The following IL18BP variants were observed in gnomAD, a reference collection of about 807,000 sequenced individuals.
IL18BP encodes interleukin 18 binding protein.
A neutral mutation model predicts 19.9 loss-of-function variants in IL18BP; 23 were observed. The ratio of observed to expected loss-of-function variants is 1.15; its 90% CI spans 0.83 to 1.64. The LOEUF (loss-of-function observed/expected upper bound fraction) is 1.64. Ranked by LOEUF, IL18BP falls within the 40% of genes most tolerant of loss-of-function variation. The pLI is 0.00. For synonymous variants in IL18BP, 107 were observed against 101.0 expected (o/e 1.06, Z -0.35); for missense variants, 239 against 240.7 (o/e 0.99, Z 0.05).
chr11:72,003,824 G>A, downstream of IL18BP: 1 of 1,541,768 alleles, frequency 6.5e-7, no homozygotes, highest in Non-Finnish European at 8.9e-7. Flanking sequence ...ACTTGGTGGG[G>A]CGGTCTGGGG....
chr11:72,003,476 G>A, downstream of IL18BP: 2 of 1,585,500 alleles, frequency 1.3e-6, no homozygotes, highest in Non-Finnish European at 1.7e-6. Context: ...GGAGGACCAG[G>A]TGAGGTCAGC....
downstream of IL18BP, chr11:72,008,109 G>A (rs776655358): frequency 6.3e-6 from 3 of 479,072 alleles, no homozygotes; most frequent in South Asian, 4.6e-5. Flanking sequence ...GGTTGTTGGG[G>A]GACAAATCAG....
At chr11:72,005,434 C>A, downstream of IL18BP, 1 of 1,537,172 alleles carries the variant, frequency 6.5e-7, no homozygotes. Flanking sequence ...CTGGCCCTGG[C>A]ATCTTGCCAG....
downstream of IL18BP, chr11:72,007,781 C>A (rs550729323): frequency 5.3e-6 from 2 of 379,342 alleles, no homozygotes; most frequent in Non-Finnish European, 9.9e-6. Flanking sequence ...GAACGCCCCC[C>A]ACTCAGGCCC....
downstream of IL18BP, chr11:72,006,096 G>A: frequency 6.2e-7 from 1 of 1,614,120 alleles, no homozygotes; most frequent in Non-Finnish European, 8.5e-7. Context: ...GAGTGGTGGG[G>A]CGGTAGCCAG....
chr11:72,001,398 G>C lies in IL18BP; in HGVS notation c.360-7G>C. On this transcript the variant is annotated splice_region_variant and splice_polypyrimidine_tract_variant and intron_variant, in intron 4 of 5. Coordinates refer to ENST00000393703, the MANE Select transcript of IL18BP (RefSeq NM_001039660.2). ...TTCTCATGACCTTTCCTTCCCTTCC[G>C]CTCCAGCCGGGAACGTGGGAGCACA... 6.2e-7 allele frequency: 1 copy of C among 1,614,094 alleles called. No individual in the cohort carries two copies. The highest frequency in any genetic ancestry group is 1.1e-5 in the South Asian group (1 of 91,082).
chr11:72,001,487 T>TTC lies in IL18BP; in HGVS notation c.445_446dup (p.Cys150ProfsTer24). ...GACCCCTGCCCTGCACAGCACCAAC[T>TTC]TCTCCTGTGTGCTCGTGGACCCTGA... is the stretch of plus-strand genomic sequence containing the variant. On this transcript the variant is annotated frameshift_variant, in exon 5 of 6. Coordinates refer to ENST00000393703, the MANE Select transcript of IL18BP (RefSeq NM_001039660.2). LOFTEE classifies it high-confidence loss of function. 6.2e-7 allele frequency: 1 copy of TTC among 1,614,120 alleles called. No individual in the cohort carries two copies.
chr11:72,006,546 A>G (rs552732710), downstream of IL18BP, among the ~76,000 whole-genome samples: 63 of 152,154 alleles, frequency 4.1e-4, no homozygotes, highest in Non-Finnish European at 8.1e-4. Context: ...CATTTTGGAG[A>G]TGAAGTGCAA....
rs754577956 is a variant in IL18BP, at chr11:72,001,833, G to C, written c.557G>C (p.Ser186Thr). 3.7e-6 allele frequency: 6 copies of C among 1,614,162 alleles called. No homozygotes were observed. The highest frequency in any genetic ancestry group is 5.1e-6 in the Non-Finnish European group (6 of 1,180,030). The part of the protein sequence containing the change: ...LPPTQEALPS[S>T]HSSPQQQG ...CCCACCCAAGAAGCCCTGCCCTCCA[G>C]CCACAGCAGTCCACAGCAGCAGGGT... The change falls in exon 6 of 6, where the codon AGC becomes ACC. Residue 186 changes from serine (S) to threonine (T), a missense_variant. Coordinates refer to ENST00000393703, the MANE Select transcript of IL18BP (RefSeq NM_001039660.2).
downstream of IL18BP, chr11:72,003,358 G>A (rs1263007672): frequency 2.9e-6 from 2 of 688,080 alleles, no homozygotes; most frequent in Admixed American, 2.3e-5. Flanking sequence ...GAAGGCGCCA[G>A]TGAAGGACCA....
At chr11:72,007,297 G>C (rs759123472), downstream of IL18BP, 7 of 1,613,242 alleles carry the variant, frequency 4.3e-6, no homozygotes, top group South Asian at 3.3e-5. Context: ...TGCTCTCCAG[G>C]GGGGCCTGAC....
chr11:72,004,284 C>T (rs1293833861), downstream of IL18BP: 2 of 1,613,362 alleles, frequency 1.2e-6, no homozygotes, highest in Admixed American at 1.7e-5. Context: ...TGTTTGCGCC[C>T]TTCATGTCGG....
chr11:72,007,945 G>A, downstream of IL18BP: 1 of 374,608 alleles, frequency 2.7e-6, no homozygotes, highest in Non-Finnish European at 5.2e-6. Flanking sequence ...TCATGGCACT[G>A]ACAGAGGAAG....
At chr11:72,000,235 C>T (rs927647434) in intron 2 of IL18BP, 116 bp from the exon 3 acceptor site, 4 of 1,022,544 alleles carry the variant, frequency 3.9e-6, no homozygotes, top group Non-Finnish European at 6.0e-6. Context: ...AGGGGTCCCT[C>T]TTCCCGCTCT....
chr11:72,006,745 G>C (rs1295882655), downstream of IL18BP, among the ~76,000 whole-genome samples: 1 of 152,116 alleles, frequency 6.6e-6, no homozygotes. Flanking sequence ...TAAACACACA[G>C]GTCCCCCCTG....
downstream of IL18BP, chr11:72,003,998 C>T (rs747899496): frequency 8.1e-6 from 13 of 1,613,392 alleles, no homozygotes. Flanking sequence ...TGGGGGAAGC[C>T]TTGGACAGGG....
At position 72,002,294 on chromosome 11, in the gene IL18BP, G is replaced by A. The variant is rs751013978; in HGVS notation, c.*433G>A. 3 of 193,104 alleles carry A rather than the reference G, an allele frequency of 1.6e-5. No individual in the cohort carries two copies. The highest frequency in any genetic ancestry group is 2.1e-5 in the Non-Finnish European group (2 of 94,272). 12.0% of individuals were successfully genotyped at this position (193,104 alleles called of 1,614,324 possible). A position where few individuals can be genotyped will look rare whatever the true frequency, so the allele number is the denominator to read the frequency against. On this transcript the variant is annotated 3_prime_UTR_variant, in exon 6 of 6. Transcript: ENST00000393703. ...CTCATTTAGTCCCGTCTTCCTCACC[G>A]CCCCAGCAGGGGAACGCTCAAGCCT...
rs1955274215 is a variant in IL18BP at position 72,001,935 on chromosome 11, G to GACTGT, written c.*74_*75insACTGT. On this transcript the variant is annotated 3_prime_UTR_variant, in exon 6 of 6. Transcript: ENST00000393703. ...CCTACCTGTCTACCTGGAGTGAACA[G>GACTGT]TCCCTGACTGCCTGTAGGCTGCGTG... The GACTGT allele has an allele frequency of 6.3e-7, 1 of 1,598,728 alleles. No homozygotes were observed. The highest frequency in any genetic ancestry group is 8.5e-7 in the Non-Finnish European group (1 of 1,172,080).
rs1475505583 is a variant in IL18BP at position 72,002,060 on chromosome 11, T to C, written c.*199T>C. On this transcript the variant is annotated 3_prime_UTR_variant, in exon 6 of 6. Coordinates refer to ENST00000393703, the MANE Select transcript of IL18BP (RefSeq NM_001039660.2). ...CTAGAAAATCACAGCCTCCTTATAA[T>C]GCCTCCTCCTCCTGCCATTCTCTCT... 7.1e-6 allele frequency: 5 copies of C among 701,544 alleles called. No individual in the cohort carries two copies. Among genetic ancestry groups the C allele is most frequent in the Non-Finnish European group, 2.4e-6 (1 of 412,100 alleles). 43.5% of individuals were successfully genotyped at this position (701,544 alleles called of 1,614,324 possible).
Sources: allele counts gnomAD v4.1 joint callset (sites outside exome capture counted in the v4.1 genomes callset), GRCh38; gene constraint gnomAD v4.1.1; transcripts MANE v1.5; gene names NCBI Gene and HGNC (gene_info 2026-07-23, HGNC 2026-07-21).